The following SPEF2 variants were observed in gnomAD, a reference collection of about 807,000 sequenced individuals.
SPEF2 encodes sperm flagellar and cilia associated 2.
In SPEF2, 187 loss-of-function variants were observed where a neutral mutation model predicts 224.6. The observed-to-expected ratio is 0.83, with a 90% CI of 0.74 to 0.94. SPEF2 has a LOEUF of 0.94. Among genes scored for constraint, SPEF2 ranks in the 40% least tolerant of loss-of-function variants. SPEF2 has a pLI of 0.00. For missense variants in SPEF2, 2,170 were observed against 2,135.6 expected, an observed-to-expected ratio of 1.02 and a Z score of -0.32; for synonymous variants, 715 against 707.3, an observed-to-expected ratio of 1.01 and a Z score of -0.17.
intron 3 of SPEF2, 131 bp downstream of exon 3, chr5:35,641,814 T>A: frequency 2.1e-6 from 2 of 934,028 alleles, no homozygotes; most frequent in Admixed American, 3.0e-5. Flanking sequence ...CTGGCCATAC[T>A]TGGGTTTTAT....
chr5:35,776,143 C>T (rs1753586578), intron 28 of SPEF2, 114 bp from the exon 29 acceptor site: 10 of 1,003,356 alleles, frequency 1.0e-5, no homozygotes, highest in South Asian at 3.9e-5. Context: ...GTATATTAAA[C>T]GTGCACCTAA....
At chr5:35,661,093 G>A (rs1274268832) in intron 8 of SPEF2, among the ~76,000 whole-genome samples, 2 of 151,728 alleles carry the variant, frequency 1.3e-5, no homozygotes, top group Non-Finnish European at 2.9e-5. Context: ...AGTAGGAGCT[G>A]AATAAATCAA....
Position 35,696,206 on chromosome 5 carries a change from A to C in SPEF2, c.2037+410A>C, listed in dbSNP as rs79102089. 9.0e-3 allele frequency among the ~76,000 whole-genome samples: 1,366 copies of C among 152,316 alleles called. 17 individuals carry two copies. Among genetic ancestry groups the C allele is most frequent in the African/African-American group, 0.032 (1,329 of 41,564 alleles). ...TAATTCCTGAAAAACTGTTTACAAC[A>C]GTTCACTCACTATTTCTCCTAATGG... On this transcript the variant is annotated intron_variant, in intron 14 of 36. Coordinates refer to ENST00000356031, the MANE Select transcript of SPEF2 (RefSeq NM_024867.4).
In SPEF2 at chr5:35,641,562, A is replaced by G; in HGVS notation, c.293A>G (p.Tyr98Cys). Residue 98 changes from tyrosine to cysteine, a missense_variant, in exon 3 of 37, where the codon TAT becomes TGT. Transcript: ENST00000356031. Reference sequence around the variant, plus strand: ...CCTGGGGTGGCAACAAAGCTGTTATATCAATTGTACATTGCTCTTCAGAAA... The same window carrying G: ...CCTGGGGTGGCAACAAAGCTGTTATGTCAATTGTACATTGCTCTTCAGAAA... Reference protein sequence around the residue: ...EKPGVATKLLYQLYIALQKKK... With the variant: ...EKPGVATKLLCQLYIALQKKK... The G allele has an allele frequency of 6.2e-6, 10 of 1,613,870 alleles. No homozygotes were observed. Among genetic ancestry groups the G allele is most frequent in the Non-Finnish European group, 8.5e-6 (10 of 1,179,848 alleles).
At chr5:35,795,827 T>TTA in intron 33 of SPEF2, 32 bp downstream of exon 33, 1 of 1,527,300 alleles carries the variant, frequency 6.5e-7, no homozygotes, top group African/African-American at 1.4e-5. Context: ...ACATGTGGCA[T>TTA]TATAGCACTA....
At chr5:35,738,180 T>G (rs1746970752) in intron 21 of SPEF2, among the ~76,000 whole-genome samples, 1 of 152,148 alleles carries the variant, frequency 6.6e-6, no homozygotes, top group Non-Finnish European at 1.5e-5. Context: ...TTCACTCTGA[T>G]GTAGTTTCTT....
chr5:35,654,588 G>A lies in SPEF2; in HGVS notation c.840G>A (p.Leu280=), dbSNP rs1748699011. The change falls in exon 7 of 37, where the codon TTG becomes TTA. Residue 280 remains leucine (L), a synonymous_variant. Transcript: ENST00000356031. ...LDTAGQTTTD[L]LNTYSDDEYI... is the part of the protein sequence containing the mutation. ...CAGCAGGCCAGACAACCACCGATTT[G>A]TTAAATACTTACTCAGATGACGAGT... is the stretch of plus-strand genomic sequence containing the variant. 6.2e-7 allele frequency: 1 copy of A among 1,611,756 alleles called. No individual in the cohort carries two copies. Among genetic ancestry groups the A allele is most frequent in the East Asian group, 2.2e-5 (1 of 44,822 alleles).
intron 9 of SPEF2, among the ~76,000 whole-genome samples, chr5:35,668,717 G>C (rs1404899019): frequency 1.3e-5 from 2 of 151,924 alleles, no homozygotes; most frequent in Non-Finnish European, 2.9e-5. Context: ...CATTTTATCT[G>C]TTTCTATCCT....
At chr5:35,785,369 G>A (rs896194665) in intron 30 of SPEF2, among the ~76,000 whole-genome samples, 1 of 152,104 alleles carries the variant, frequency 6.6e-6, no homozygotes, top group Non-Finnish European at 1.5e-5. Flanking sequence ...TTTTCCTGAA[G>A]CCAGACAACT....
chr5:35,697,894 C>G (rs1485679444), intron 15 of SPEF2, 101 bp downstream of exon 15: 8 of 760,834 alleles, frequency 1.1e-5, no homozygotes, highest in Non-Finnish European at 1.3e-5. Flanking sequence ...ATATCTCATA[C>G]ATTTCACTCA....
chr5:35,751,045 A>ATATATATATCCG (rs1749446403), intron 23 of SPEF2, among the ~76,000 whole-genome samples: 1 of 64,342 alleles, frequency 1.6e-5, no homozygotes, highest in Non-Finnish European at 3.1e-5. Context: ...ACACATATGT[A>ATATATATATCCG]TATATATATA....
chr5:35,674,971 A>G (rs1318279855), intron 10 of SPEF2, among the ~76,000 whole-genome samples: 1 of 152,160 alleles, frequency 6.6e-6, no homozygotes. Flanking sequence ...TCTTTTGACT[A>G]TGAAGATGCT....
At chr5:35,719,909 T>C (rs10077049) in intron 20 of SPEF2, among the ~76,000 whole-genome samples, 6,696 of 152,194 alleles carry the variant, frequency 0.044, 254 homozygotes, top group African/African-American at 0.092. Context: ...TGTGAGCCAC[T>C]GCACCCAGCC....
chr5:35,646,177 C>T (rs1469862786), intron 4 of SPEF2, among the ~76,000 whole-genome samples: 3 of 152,000 alleles, frequency 2.0e-5, no homozygotes, highest in Non-Finnish European at 2.9e-5. Flanking sequence ...TTTGAGGTTG[C>T]CCCTGAACTC....
chr5:35,755,183 G>A (rs1046087483), intron 24 of SPEF2, among the ~76,000 whole-genome samples: 10 of 152,192 alleles, frequency 6.6e-5, no homozygotes, highest in African/African-American at 1.7e-4. Flanking sequence ...GGACAAAGCC[G>A]GGCCATGACC....
At chr5:35,668,203 G>T (rs10075324) in intron 9 of SPEF2, among the ~76,000 whole-genome samples, 19,945 of 152,002 alleles carry the variant, frequency 0.13, 2,080 homozygotes, top group African/African-American at 0.29. Context: ...ACAAAAACCT[G>T]TATACAAATG....
chr5:35,801,734 A>G (rs981660697), intron 34 of SPEF2, among the ~76,000 whole-genome samples: 5 of 151,974 alleles, frequency 3.3e-5, no homozygotes, highest in Admixed American at 1.3e-4. Context: ...CCGCTGCTAT[A>G]TGTTCCCATG....
In SPEF2 at chr5:35,704,583, G is replaced by T; in HGVS notation, c.2428G>T (p.Glu810Ter). 1.9e-6 allele frequency: 3 copies of T among 1,612,368 alleles called. No homozygotes were observed. Among genetic ancestry groups the T allele is most frequent in the Non-Finnish European group, 2.5e-6 (3 of 1,179,146 alleles). Residue 810 changes from glutamate (E) to a stop codon, truncating the protein, a stop_gained, in exon 17 of 37, where the codon GAA (glutamate) becomes TAA (stop). Coordinates refer to ENST00000356031, the MANE Select transcript of SPEF2 (RefSeq NM_024867.4). LOFTEE classifies it high-confidence loss of function. ...AEELSYKTAH[E>*]DISQRVAAEN... ...AGAATTGTCCTATAAAACTGCTCAC[G>T]AAGATATCAGTCAACGTGTAGCTGC...
intron 10 of SPEF2, chr5:35,678,807 C>G (rs991621423): frequency 2.6e-5 from 4 of 152,208 alleles, no homozygotes; most frequent in African/African-American, 9.7e-5. Context: ...TCAATCTTTT[C>G]CACTGTCACC....
Sources: allele counts gnomAD v4.1 joint callset (sites outside exome capture counted in the v4.1 genomes callset), GRCh38; gene constraint gnomAD v4.1.1; transcripts MANE v1.5; gene names NCBI Gene and HGNC (gene_info 2026-07-23, HGNC 2026-07-21).